CHD7: variants seen among roughly 807,000 people sequenced by gnomAD.
CHD7 encodes the protein chromodomain helicase DNA binding protein 7, also known as ATP-dependent chromatin remodeler CHD7.
CHD7 carries 24 observed loss-of-function variants against 307.3 expected under a neutral mutation model. That is an observed-to-expected ratio of 0.08 (90% confidence interval 0.06 to 0.11). The LOEUF (loss-of-function observed/expected upper bound fraction) is 0.11. Among genes scored for constraint, CHD7 ranks in the 10% least tolerant of loss-of-function variants. CHD7 has a pLI of 1.00. For synonymous variants in CHD7, 1,363 were observed against 1,349.9 expected, an observed-to-expected ratio of 1.01 and a Z score of -0.21; for missense variants, 3,106 against 3,727.1, an observed-to-expected ratio of 0.83 and a Z score of 4.34.
rs77805876 is a variant in CHD7, at chr8:60,841,558, C to T, written c.4534-86C>T. ...GCATAAGTGGAGGAATGCACAATATCGGAGCAAATACATAAACAAAAGCTG... is the reference window on the plus strand; with the variant it reads ...GCATAAGTGGAGGAATGCACAATATTGGAGCAAATACATAAACAAAAGCTG... On this transcript the variant is annotated intron_variant, in intron 19 of 37. Coordinates refer to ENST00000423902, the MANE Select transcript of CHD7 (RefSeq NM_017780.4). 1,060 of 990,940 alleles carry T rather than the reference C, an allele frequency of 1.1e-3. 10 individuals carry two copies. In the African/African-American group the frequency reaches 0.015, roughly 14 times the overall value. The allele number at this position is 990,940 out of a possible 1,614,324, so 61.4% of individuals were successfully genotyped here.
At chr8:60,801,839 C>G (rs1812329866) in intron 6 of CHD7, among the ~76,000 whole-genome samples, 1 of 152,134 alleles carries the variant, frequency 6.6e-6, no homozygotes, top group East Asian at 1.9e-4. Context: ...TCACAAGTCT[C>G]CAAATAAATG....
At chr8:60,712,058 A>G (rs1807305837) in intron 1 of CHD7, among the ~76,000 whole-genome samples, 1 of 152,242 alleles carries the variant, frequency 6.6e-6, no homozygotes, top group South Asian at 2.1e-4. Context: ...AATGATGTAG[A>G]AGATACATAG....
chr8:60,680,207 C>G (rs898263961), intron 1 of CHD7, among the ~76,000 whole-genome samples: 1 of 151,702 alleles, frequency 6.6e-6, no homozygotes, highest in African/African-American at 2.4e-5. Flanking sequence ...CGGCTTGGAG[C>G]GTGAACGGCC....
At chr8:60,827,307 ATAAGT>A (rs969429310) in intron 13 of CHD7, among the ~76,000 whole-genome samples, 2 of 152,206 alleles carry the variant, frequency 1.3e-5, no homozygotes, top group African/African-American at 4.8e-5. Context: ...TTTGAAATTA[ATAAGT>A]TAAAAAGGCT....
intron 23 of CHD7, among the ~76,000 whole-genome samples, chr8:60,845,952 G>A (rs1457405251): frequency 1.3e-5 from 2 of 152,238 alleles, no homozygotes; most frequent in African/African-American, 4.8e-5. Context: ...TATCTCCTAG[G>A]GGAATCACAG....
At chr8:60,853,522 C>T in intron 31 of CHD7, 22 bp downstream of exon 31, 1 of 1,485,454 alleles carries the variant, frequency 6.7e-7, no homozygotes, top group Non-Finnish European at 8.9e-7. Flanking sequence ...CCACTGGCCC[C>T]TCTCCTGACC....
intron 1 of CHD7, among the ~76,000 whole-genome samples, chr8:60,686,447 A>T (rs1393729592): frequency 6.6e-6 from 1 of 152,058 alleles, no homozygotes; most frequent in Non-Finnish European, 1.5e-5. Context: ...AGAGGTGTAG[A>T]CATCGAATGG....
At position 60,822,626 on chromosome 8, in the gene CHD7, A is replaced by T. The variant is rs1238845416; in HGVS notation, c.3081A>T (p.Thr1027=). Residue 1027 remains threonine, a synonymous_variant, in exon 12 of 38, where the codon ACA becomes ACT. Transcript: ENST00000423902. ...GPFLVIAPLS[T]IPNWEREFRT... ...TTTTAGTAATTGCCCCATTGTCCAC[A>T]ATCCCCAACTGGGAAAGGGAATTCC... 1.2e-6 allele frequency: 2 copies of T among 1,613,922 alleles called. No individual in the cohort carries two copies. Among genetic ancestry groups the T allele is most frequent in the Non-Finnish European group, 1.7e-6 (2 of 1,179,798 alleles).
chr8:60,845,332 C>G lies in CHD7; in HGVS notation c.5133C>G (p.Asp1711Glu), dbSNP rs773655768. Residue 1711 changes from aspartate (D) to glutamate (E), a missense_variant, in exon 23 of 38, where the codon GAC (aspartate) becomes GAG (glutamate). Physicochemically the swap from Asp to Glu is conservative, Grantham distance 45. This residue lies in a region of CHD7 where 1,030 missense variants were observed against 1,165.4 expected (regional missense o/e 0.88). Coordinates refer to ENST00000423902, the MANE Select transcript of CHD7 (RefSeq NM_017780.4). ...QSTQPVVQDA[D>E]WLASCNPDAL... ...CACAGCCGGTGGTGCAGGATGCCGA[C>G]TGGCTGGCCAGCTGCAACCCAGATG... The G allele has an allele frequency of 6.2e-7, 1 of 1,614,028 alleles. No homozygotes were observed. The highest frequency in any genetic ancestry group is 1.1e-5 in the South Asian group (1 of 91,090).
intron 1 of CHD7, among the ~76,000 whole-genome samples, chr8:60,696,083 A>G (rs1806452420): frequency 6.6e-6 from 1 of 152,234 alleles, no homozygotes; most frequent in East Asian, 1.9e-4. Context: ...TTAGAATATC[A>G]TGCAGGCACT....
intron 37 of CHD7, chr8:60,864,807 G>T: frequency 5.2e-6 from 3 of 576,004 alleles, no homozygotes; most frequent in Non-Finnish European, 9.2e-6. Context: ...CTGATGAGTA[G>T]CCTTGAGCAA....
At chr8:60,680,993 C>G (rs964019762) in intron 1 of CHD7, among the ~76,000 whole-genome samples, 1 of 151,836 alleles carries the variant, frequency 6.6e-6, no homozygotes, top group African/African-American at 2.4e-5. Context: ...TTTAAGCCGT[C>G]TTTGCAGTGG....
At chr8:60,695,147 A>G (rs1009827104) in intron 1 of CHD7, among the ~76,000 whole-genome samples, 1 of 152,192 alleles carries the variant, frequency 6.6e-6, no homozygotes, top group African/African-American at 2.4e-5. Flanking sequence ...TAAGGTTGAC[A>G]TTTGGAACTT....
chr8:60,845,297 G>A lies in CHD7; in HGVS notation c.5098G>A (p.Ala1700Thr). 1 of 1,613,966 alleles carries A rather than the reference G, an allele frequency of 6.2e-7. No homozygotes were observed. Among genetic ancestry groups the A allele is most frequent in the Non-Finnish European group, 8.5e-7 (1 of 1,179,834 alleles). Residue 1700 changes from alanine (A) to threonine (T), a missense_variant, in exon 23 of 38, where the codon GCC becomes ACC. Ala to Thr is a moderately conservative substitution (Grantham distance 58). This residue lies in a region of CHD7 where 1,030 missense variants were observed against 1,165.4 expected (regional missense o/e 0.88). Coordinates refer to ENST00000423902, the MANE Select transcript of CHD7 (RefSeq NM_017780.4). ...GGGAAGGAAGGGAAAGAAGGTGAAA[G>A]CCCAGAGCACACAGCCGGTGGTGCA... ...PRGRKGKKVKAQSTQPVVQDA... is the reference protein window; with the variant it reads ...PRGRKGKKVKTQSTQPVVQDA...
rs986622078 is a variant in CHD7 at position 60,699,678 on chromosome 8, A to G, written c.-175+20596A>G. On this transcript the variant is annotated intron_variant, in intron 1 of 37. Coordinates refer to ENST00000423902, the MANE Select transcript of CHD7 (RefSeq NM_017780.4). ...GAGAAGCTGTAGAAAATTATAATAAATAGGGCAAGACCTTAAGGAGTTTCT... is the reference window on the plus strand; with the variant it reads ...GAGAAGCTGTAGAAAATTATAATAAGTAGGGCAAGACCTTAAGGAGTTTCT... 2.6e-5 allele frequency among the ~76,000 whole-genome samples: 4 copies of G among 152,052 alleles called. No individual in the cohort carries two copies. The South Asian group carries it at 8.3e-4, about 31-fold the overall frequency.
intron 13 of CHD7, among the ~76,000 whole-genome samples, chr8:60,826,520 C>T (rs1411166171): frequency 6.6e-6 from 1 of 152,146 alleles, no homozygotes; most frequent in East Asian, 1.9e-4. Context: ...TAACTATATC[C>T]AACTACGGCA....
At chr8:60,845,118 T>C (rs144750632) in intron 22 of CHD7, 55 bp downstream of exon 22, 12 of 1,598,700 alleles carry the variant, frequency 7.5e-6, no homozygotes, top group Non-Finnish European at 1.0e-5. Flanking sequence ...CCAGGAACTT[T>C]TGTGACACAC....
rs1406914349 is a variant in CHD7, at chr8:60,741,502, C to T, written c.70C>T (p.Leu24Phe). The T allele has an allele frequency of 3.7e-6, 6 of 1,612,670 alleles. No homozygotes were observed. The highest frequency in any genetic ancestry group is 5.1e-6 in the Non-Finnish European group (6 of 1,179,378). Residue 24 changes from leucine to phenylalanine, a missense_variant, in exon 2 of 38, where the codon CTC (leucine) becomes TTC (phenylalanine). Transcript: ENST00000423902. ...GNIFSEGLEG[L>F]GECGYPENPV... ...TATTTTCAGTGAAGGTCTTGAAGGC[C>T]TCGGAGAATGTGGTTACCCGGAAAA...
chr8:60,859,455 A>G (rs1295591367), intron 34 of CHD7, among the ~76,000 whole-genome samples: 1 of 152,198 alleles, frequency 6.6e-6, no homozygotes, highest in Non-Finnish European at 1.5e-5. Flanking sequence ...TGCACTGGAG[A>G]ATGCAGTGTT....
Sources: gnomAD v4.1 joint callset for allele counts (sites outside exome capture counted in the v4.1 genomes callset) on GRCh38, gnomAD v4.1.1 for gene constraint, gnomAD v4.1.1 regional missense constraint, MANE v1.5 for transcripts, NCBI Gene and HGNC (gene_info 2026-07-23, HGNC 2026-07-21) for gene names.